Variants in TANC1 observed in about 807,000 individuals in gnomAD.
TANC1 encodes tetratricopeptide repeat, ankyrin repeat and coiled-coil containing 1.
In TANC1, 77 loss-of-function variants were observed where a neutral mutation model predicts 149.7. The ratio of observed to expected loss-of-function variants is 0.51; its 90% CI spans 0.43 to 0.62. TANC1 has a LOEUF of 0.62. Among genes scored for constraint, TANC1 ranks in the 20% least tolerant of loss-of-function variants. The pLI is 0.00. For synonymous variants in TANC1, 854 were observed against 925.0 expected, an observed-to-expected ratio of 0.92 and a Z score of 1.39; for missense variants, 1,985 against 2,321.8, an observed-to-expected ratio of 0.85 and a Z score of 2.98.
At chr2:159,058,428 C>A (rs1303789490) in intron 2 of TANC1, among the ~76,000 whole-genome samples, 1 of 150,508 alleles carries the variant, frequency 6.6e-6, no homozygotes, top group Non-Finnish European at 1.5e-5. Flanking sequence ...ATTTTGATTT[C>A]CCTTCCATAA....
At chr2:159,017,246 G>C (rs1456180972) in intron 2 of TANC1, among the ~76,000 whole-genome samples, 1 of 152,178 alleles carries the variant, frequency 6.6e-6, no homozygotes, top group East Asian at 1.9e-4. Flanking sequence ...GGCAACGGTG[G>C]AAATCAAGCT....
intron 2 of TANC1, among the ~76,000 whole-genome samples, chr2:159,025,444 T>C (rs1235347447): frequency 1.3e-5 from 2 of 152,106 alleles, no homozygotes; most frequent in Non-Finnish European, 2.9e-5. Context: ...ACCTATATTT[T>C]ATCCCCAGCA....
chr2:159,025,333 A>G (rs899350999), intron 2 of TANC1, among the ~76,000 whole-genome samples: 1 of 151,286 alleles, frequency 6.6e-6, no homozygotes, highest in African/African-American at 2.4e-5. Flanking sequence ...CTCTTAACAA[A>G]GTACCACTAA....
intron 1 of TANC1, among the ~76,000 whole-genome samples, chr2:158,989,740 A>G (rs1353093689): frequency 6.6e-6 from 1 of 152,164 alleles, no homozygotes; most frequent in South Asian, 2.1e-4. Flanking sequence ...GAAGATGTCA[A>G]GTCCCTTAGG....
At chr2:159,206,344 A>G (rs1452945343) in intron 19 of TANC1, among the ~76,000 whole-genome samples, 1 of 152,180 alleles carries the variant, frequency 6.6e-6, no homozygotes, top group Non-Finnish European at 1.5e-5. Flanking sequence ...TCCATACCCT[A>G]TCCTCCTGGT....
At chr2:159,030,046 A>G (rs1453953212) in intron 2 of TANC1, among the ~76,000 whole-genome samples, 1 of 152,154 alleles carries the variant, frequency 6.6e-6, no homozygotes, top group Non-Finnish European at 1.5e-5. Flanking sequence ...AGAGAAGTCA[A>G]CATTTCCCCA....
At chr2:159,100,103 C>G (rs2046529144) in intron 4 of TANC1, among the ~76,000 whole-genome samples, 1 of 152,176 alleles carries the variant, frequency 6.6e-6, no homozygotes. Context: ...TAAGGGATCT[C>G]TGTTGAAGGT....
chr2:159,159,767 T>G (rs2053852821), intron 7 of TANC1, among the ~76,000 whole-genome samples: 2 of 139,598 alleles, frequency 1.4e-5, no homozygotes, highest in African/African-American at 2.7e-5. Flanking sequence ...AGAGATCAGG[T>G]TCTCTGGAGC....
At chr2:159,050,782 G>A (rs965806020) in intron 2 of TANC1, among the ~76,000 whole-genome samples, 3 of 152,166 alleles carry the variant, frequency 2.0e-5, no homozygotes, top group African/African-American at 7.2e-5. Context: ...CATTTGTATC[G>A]ATAAATCTTG....
chr2:159,012,438 A>G (rs1031970406), intron 2 of TANC1, among the ~76,000 whole-genome samples: 5 of 145,876 alleles, frequency 3.4e-5, no homozygotes, highest in Non-Finnish European at 6.1e-5. Flanking sequence ...TTGGCACTCT[A>G]TTTTTTTTTT....
intron 20 of TANC1, 47 bp from the exon 21 acceptor site, chr2:159,219,191 G>A: frequency 6.2e-7 from 1 of 1,611,836 alleles, no homozygotes; most frequent in South Asian, 1.1e-5. Flanking sequence ...TAGCAGGTGT[G>A]GTGGAAAATG....
At chr2:159,166,523 A>G (rs1378011509) in intron 8 of TANC1, among the ~76,000 whole-genome samples, 1 of 152,236 alleles carries the variant, frequency 6.6e-6, no homozygotes, top group East Asian at 1.9e-4. Flanking sequence ...CGCTGTAGAG[A>G]TTCTAGCAGT....
intron 3 of TANC1, among the ~76,000 whole-genome samples, chr2:159,076,845 C>T (rs2043733357): frequency 1.3e-5 from 2 of 152,280 alleles, no homozygotes; most frequent in South Asian, 4.1e-4. Flanking sequence ...TACTATGTCT[C>T]CGGCTGTCTT....
At position 159,196,589 on chromosome 2, in the gene TANC1, C is replaced by G. The variant is rs770409609; in HGVS notation, c.2980-19C>G. 15 of 1,586,104 alleles carry G rather than the reference C, an allele frequency of 9.5e-6. No individual in the cohort carries two copies. The South Asian group carries it at 1.6e-4, about 17-fold the overall frequency. ...CAAAGTAATGCTCAGCTGTAACCTT[C>G]CCCTACTCCTGCCCCCAGGTGGACC... is the stretch of plus-strand genomic sequence containing the variant. On this transcript the variant is annotated intron_variant, in intron 17 of 26. Coordinates refer to ENST00000263635, the MANE Select transcript of TANC1 (RefSeq NM_033394.3).
At chr2:159,178,506 A>C (rs754360476) in intron 13 of TANC1, 50 bp from the exon 14 acceptor site, 77 of 1,509,476 alleles carry the variant, frequency 5.1e-5, no homozygotes, top group Non-Finnish European at 4.4e-6. Flanking sequence ...GTTAAAATAA[A>C]AAAGGAATCT....
intron 1 of TANC1, among the ~76,000 whole-genome samples, chr2:158,987,395 G>A (rs1258273228): frequency 6.6e-6 from 1 of 151,810 alleles, no homozygotes; most frequent in Non-Finnish European, 1.5e-5. Context: ...CTGTGGTGGT[G>A]CACACCTGTA....
In TANC1 at chr2:159,217,582, G is replaced by A. The variant is rs2059426123; in HGVS notation, c.3330G>A (p.Arg1110=). 1 of 1,614,148 alleles carries A rather than the reference G, an allele frequency of 6.2e-7. No individual in the cohort carries two copies. The change falls in exon 20 of 27, where the codon AGG becomes AGA. Residue 1110 remains arginine, a synonymous_variant. Transcript: ENST00000263635. ...GHGAAVSRTN[R]RGVPPLFCAA... ...GAGCTGCTGTGTCGCGGACAAACAG[G>A]AGAGGGGTTCCACCTTTGTTTTGTG...
chr2:159,105,565 AAAT>A (rs1300507089), intron 4 of TANC1, among the ~76,000 whole-genome samples: 1 of 152,184 alleles, frequency 6.6e-6, no homozygotes, highest in Non-Finnish European at 1.5e-5. Flanking sequence ...AAGAAGTACA[AAAT>A]AATGAAAGTA....
intron 4 of TANC1, among the ~76,000 whole-genome samples, chr2:159,130,811 G>A (rs2049995907): frequency 6.6e-6 from 1 of 152,144 alleles, no homozygotes; most frequent in African/African-American, 2.4e-5. Flanking sequence ...CTCCCAAGTA[G>A]CTGGGACTAC....
Sources: gnomAD v4.1 joint callset for allele counts (sites outside exome capture counted in the v4.1 genomes callset) on GRCh38, gnomAD v4.1.1 for gene constraint, MANE v1.5 for transcripts, NCBI Gene and HGNC (gene_info 2026-07-23, HGNC 2026-07-21) for gene names.